Variants in TRAPPC6B observed in about 807,000 individuals in gnomAD.
TRAPPC6B encodes the protein TRAPP complex subunit 6B.
A neutral mutation model predicts 24.7 loss-of-function variants in TRAPPC6B; 27 were observed. The observed-to-expected ratio is 1.09, with a 90% CI of 0.81 to 1.51. The LOEUF (loss-of-function observed/expected upper bound fraction) is 1.51. TRAPPC6B is among the 40% of genes most tolerant of loss of function. The pLI, the probability that TRAPPC6B is intolerant of heterozygous loss-of-function variation, is 0.00. For synonymous variants in TRAPPC6B, 80 were observed against 66.6 expected, an observed-to-expected ratio of 1.20 and a Z score of -0.98; for missense variants, 212 against 190.8, an observed-to-expected ratio of 1.11 and a Z score of -0.66.
intron 4 of TRAPPC6B, 39 bp from the exon 5 acceptor site, chr14:39,151,878 A>G: frequency 7.4e-7 from 1 of 1,353,912 alleles, no homozygotes; most frequent in Non-Finnish European, 1.0e-6. Flanking sequence ...GTAAGGATTT[A>G]CTAAAATAGT....
chr14:39,159,712 TTTACTTTACTTTTAC>T (rs1425678287), intron 1 of TRAPPC6B, among the ~76,000 whole-genome samples, 162 bp from the exon 2 acceptor site: 2 of 151,978 alleles, frequency 1.3e-5, no homozygotes, highest in African/African-American at 4.8e-5. Flanking sequence ...TTTTATTTAT[TTTACTTTACTTTTAC>T]TTACTTTACT....
chr14:39,154,031 G>A (rs562188752), intron 4 of TRAPPC6B, among the ~76,000 whole-genome samples, 180 bp downstream of exon 4: 1 of 152,242 alleles, frequency 6.6e-6, no homozygotes, highest in South Asian at 2.1e-4. Flanking sequence ...GTCACTCTAT[G>A]ACTATTTAGC....
intron 3 of TRAPPC6B, among the ~76,000 whole-genome samples, chr14:39,155,605 A>G (rs554690412): frequency 6.6e-6 from 1 of 151,472 alleles, no homozygotes; most frequent in East Asian, 1.9e-4. Flanking sequence ...GGTGTGATCT[A>G]GGCTCACTGC....
chr14:39,153,910 G>T (rs2052945446), intron 4 of TRAPPC6B, among the ~76,000 whole-genome samples: 1 of 151,996 alleles, frequency 6.6e-6, no homozygotes, highest in Admixed American at 6.6e-5. Flanking sequence ...TCCCCATGCT[G>T]GCCAAGCTGG....
intron 5 of TRAPPC6B, 62 bp from the exon 6 acceptor site, chr14:39,150,443 C>G (rs981460881): frequency 2.6e-5 from 33 of 1,251,244 alleles, no homozygotes; most frequent in African/African-American, 4.6e-5. Context: ...GTCTAAACAT[C>G]AATTTTCTGT....
intron 4 of TRAPPC6B, among the ~76,000 whole-genome samples, chr14:39,153,392 C>T (rs2052937525): frequency 6.6e-6 from 1 of 151,908 alleles, no homozygotes; most frequent in African/African-American, 2.4e-5. Flanking sequence ...CACTGGGAGG[C>T]CGAGGTGAGG....
chr14:39,163,414 T>C (rs2053078959), intron 1 of TRAPPC6B, among the ~76,000 whole-genome samples: 1 of 148,756 alleles, frequency 6.7e-6, no homozygotes, highest in South Asian at 2.1e-4. Flanking sequence ...CAGCATCACA[T>C]GGGAACTTGC....
intron 4 of TRAPPC6B, among the ~76,000 whole-genome samples, 186 bp from the exon 5 acceptor site, chr14:39,152,025 G>C (rs2052921576): frequency 6.6e-6 from 1 of 152,138 alleles, no homozygotes; most frequent in South Asian, 2.1e-4. Flanking sequence ...CTAAAGCATG[G>C]ACGTAGGACT....
In TRAPPC6B at chr14:39,149,225, T is replaced by C. The variant is rs1336269601; in HGVS notation, c.*1125A>G. On this transcript the variant is annotated 3_prime_UTR_variant, in exon 6 of 6. Transcript: ENST00000330149. ...TTTTTATTTTGTGTTTTTAATATAA[T>C]GTTTGGTATAGTCAATCTTCTTAAT... 1 of 152,680 alleles carries C rather than the reference T, an allele frequency of 6.5e-6. No homozygotes were observed. Among genetic ancestry groups the C allele is most frequent in the Non-Finnish European group, 1.5e-5 (1 of 68,394 alleles). 9.5% of individuals were successfully genotyped at this position (152,680 alleles called of 1,614,324 possible).
intron 2 of TRAPPC6B, 121 bp downstream of exon 2, chr14:39,159,362 T>C: frequency 1.8e-6 from 1 of 570,038 alleles, no homozygotes; most frequent in Non-Finnish European, 2.8e-6. Flanking sequence ...ATTTTTGAAG[T>C]AAAGAGAATA....
In TRAPPC6B at chr14:39,150,383, T is replaced by C; in HGVS notation, c.446-2A>G. ...TCTGTATCATCACCTGAAATTTGCC[T>C]AAAAAAAAAAATACAAATAATTCTT... is the stretch of plus-strand genomic sequence containing the variant. On this transcript the variant is annotated splice_acceptor_variant, in intron 5 of 5. Transcript: ENST00000330149. LOFTEE classifies it high-confidence loss of function. 7.8e-7 allele frequency: 1 copy of C among 1,284,912 alleles called. No homozygotes were observed. Among genetic ancestry groups the C allele is most frequent in the Non-Finnish European group, 1.0e-6 (1 of 954,900 alleles). The allele number at this position is 1,284,912 out of a possible 1,614,324, so 79.6% of individuals were successfully genotyped here. A position where few individuals can be genotyped will look rare whatever the true frequency, so the allele number is the denominator to read the frequency against.
At position 39,149,983 on chromosome 14, in the gene TRAPPC6B, T is replaced by C. The variant is rs2052894816; in HGVS notation, c.*367A>G. 5.9e-6 allele frequency: 1 copy of C among 168,268 alleles called. No homozygotes were observed. Among genetic ancestry groups the C allele is most frequent in the Admixed American group, 6.3e-5 (1 of 15,782 alleles). 10.4% of individuals were successfully genotyped at this position (168,268 alleles called of 1,614,324 possible). ...TTCATACTTTATCAAAATTTGTTCA[T>C]TCTTCTCACAAATAATTCTGTTGGT... is the stretch of plus-strand genomic sequence containing the variant. On this transcript the variant is annotated 3_prime_UTR_variant, in exon 6 of 6. Coordinates refer to ENST00000330149, the MANE Select transcript of TRAPPC6B (RefSeq NM_001079537.2).
At chr14:39,167,810 C>T (rs1412293000) in intron 1 of TRAPPC6B, among the ~76,000 whole-genome samples, 1 of 151,670 alleles carries the variant, frequency 6.6e-6, no homozygotes, top group Admixed American at 6.6e-5. Flanking sequence ...TAGTCCATCT[C>T]TTAAAATTAT....
chr14:39,160,810 T>C (rs1226134354), intron 1 of TRAPPC6B, among the ~76,000 whole-genome samples: 1 of 152,200 alleles, frequency 6.6e-6, no homozygotes, highest in Admixed American at 6.5e-5. Context: ...TAACAGCCGA[T>C]GTTGGTAGGA....
At position 39,170,060 on chromosome 14, in the gene TRAPPC6B, G is replaced by C. The variant is rs767076302; in HGVS notation, c.36C>G (p.Asn12Lys). 5.0e-6 allele frequency: 8 copies of C among 1,613,976 alleles called. No individual in the cohort carries two copies. Among genetic ancestry groups the C allele is most frequent in the Middle Eastern group, 1.6e-4 (1 of 6,082 alleles). Residue 12 changes from asparagine to lysine, a missense_variant, in exon 1 of 6, where the codon AAC becomes AAG. Coordinates refer to ENST00000330149, the MANE Select transcript of TRAPPC6B (RefSeq NM_001079537.2). ...ACTTGTACACTCCAGACACCATCTCGTTATGGAGAAGCAAAAACAACGCCT... is the reference window on the plus strand; with the variant it reads ...ACTTGTACACTCCAGACACCATCTCCTTATGGAGAAGCAAAAACAACGCCT... The part of the protein sequence containing the change: ...ADEALFLLLH[N>K]EMVSGVYKSA...
At chr14:39,154,177 TAAC>T (rs773060625) in intron 4 of TRAPPC6B, 31 bp downstream of exon 4, 1 of 1,375,858 alleles carries the variant, frequency 7.3e-7, no homozygotes, top group South Asian at 1.2e-5. Context: ...GTCCTACTAT[TAAC>T]AAAAACCCCA....
rs541090891 is a variant in TRAPPC6B at position 39,149,811 on chromosome 14, A to G, written c.*539T>C. ...CCTATTAAAGAAAAATTAAATTTATAAACAATTTAGGCAGTCATATATGTA... is the reference window on the plus strand; with the variant it reads ...CCTATTAAAGAAAAATTAAATTTATGAACAATTTAGGCAGTCATATATGTA... On this transcript the variant is annotated 3_prime_UTR_variant, in exon 6 of 6. Coordinates refer to ENST00000330149, the MANE Select transcript of TRAPPC6B (RefSeq NM_001079537.2). 6.6e-6 allele frequency: 1 copy of G among 152,352 alleles called. No individual in the cohort carries two copies. Among genetic ancestry groups the G allele is most frequent in the Admixed American group, 6.5e-5 (1 of 15,302 alleles). 9.4% of individuals were successfully genotyped at this position (152,352 alleles called of 1,614,324 possible).
intron 4 of TRAPPC6B, among the ~76,000 whole-genome samples, chr14:39,153,851 C>G (rs1190745557): frequency 1.3e-5 from 2 of 151,854 alleles, no homozygotes; most frequent in Non-Finnish European, 2.9e-5. Flanking sequence ...ATTGCAGGCG[C>G]TCGCCAGAAC....
intron 1 of TRAPPC6B, among the ~76,000 whole-genome samples, chr14:39,165,687 T>C (rs1363772885): frequency 1.3e-5 from 2 of 152,196 alleles, no homozygotes; most frequent in Admixed American, 6.5e-5. Context: ...GCCCTAGCTA[T>C]TCGAGAGGCT....
Sources: gnomAD v4.1 joint callset for allele counts (sites outside exome capture counted in the v4.1 genomes callset) on GRCh38, gnomAD v4.1.1 for gene constraint, MANE v1.5 for transcripts, NCBI Gene and HGNC (gene_info 2026-07-23, HGNC 2026-07-21) for gene names.